SLCO6A1: variants seen among roughly 807,000 people sequenced by gnomAD.
The protein encoded by SLCO6A1 is cancer/testis antigen 48.
Under a neutral mutation model 72.7 loss-of-function variants are expected in SLCO6A1, and 65 were observed. The ratio of observed to expected loss-of-function variants is 0.89; its 90% CI spans 0.73 to 1.10. SLCO6A1 has a LOEUF of 1.10. Ranked by LOEUF, SLCO6A1 falls within the 50% of genes least tolerant of loss-of-function variation. SLCO6A1 has a pLI of 0.00. For missense variants in SLCO6A1, 874 were observed against 872.6 expected, an observed-to-expected ratio of 1.00 and a Z score of -0.02; for synonymous variants, 314 against 298.2, an observed-to-expected ratio of 1.05 and a Z score of -0.55.
chr5:102,478,512 G>A (rs920668529), intron 2 of SLCO6A1, among the ~76,000 whole-genome samples: 2 of 152,042 alleles, frequency 1.3e-5, no homozygotes, highest in Non-Finnish European at 2.9e-5. Flanking sequence ...TAGAACATAT[G>A]TTCATAAGGA....
chr5:102,452,242 T>G (rs1030071717), intron 6 of SLCO6A1, among the ~76,000 whole-genome samples: 12 of 152,166 alleles, frequency 7.9e-5, no homozygotes, highest in African/African-American at 2.9e-4. Flanking sequence ...AGCTCTCTGT[T>G]CCACACATTT....
chr5:102,460,107 T>C (rs1750948657), intron 4 of SLCO6A1, among the ~76,000 whole-genome samples: 1 of 152,178 alleles, frequency 6.6e-6, no homozygotes, highest in South Asian at 2.1e-4. Context: ...TTTGGAACAC[T>C]ACCTTTTTAA....
intron 1 of SLCO6A1, among the ~76,000 whole-genome samples, chr5:102,484,542 A>C (rs1752355740): frequency 6.6e-6 from 1 of 151,870 alleles, no homozygotes; most frequent in Non-Finnish European, 1.5e-5. Context: ...TCAGCTACTC[A>C]GGGAGGCTGA....
intron 6 of SLCO6A1, among the ~76,000 whole-genome samples, chr5:102,458,059 C>A (rs1351231363): frequency 6.6e-6 from 1 of 151,638 alleles, no homozygotes; most frequent in East Asian, 1.9e-4. Context: ...AATAAGAACA[C>A]ATGGACACAG....
Position 102,460,899 on chromosome 5 carries a change from CATATATATATATATATATATATAT to C in SLCO6A1, c.900-1146_900-1123del, listed in dbSNP as rs60973292. Among the ~76,000 whole-genome samples, 84 of 130,286 alleles carry C rather than the reference CATATATATATATATATATATATAT, an allele frequency of 6.4e-4. 2 individuals carry two copies. Among genetic ancestry groups the C allele is most frequent in the East Asian group, 5.7e-3 (21 of 3,672 alleles). The allele number at this position is 130,286 out of a possible 152,430, so 85.5% of individuals were successfully genotyped here. A position where few individuals can be genotyped will look rare whatever the true frequency, so the allele number is the denominator to read the frequency against. ...CTTGATTGTCATTACCCACTTATCT[CATATATATATATATATATATATAT>C]ATATATATATATATATATATATATA... On this transcript the variant is annotated intron_variant, in intron 4 of 13. Transcript: ENST00000506729.
intron 12 of SLCO6A1, among the ~76,000 whole-genome samples, chr5:102,384,779 T>C (rs1561416219): frequency 6.6e-6 from 1 of 152,126 alleles, no homozygotes; most frequent in Non-Finnish European, 1.5e-5. Context: ...TGACTATGTA[T>C]TTGACCACGT....
At chr5:102,378,584 GCAAACC>G in intron 12 of SLCO6A1, among the ~76,000 whole-genome samples, 1 of 146,710 alleles carries the variant, frequency 6.8e-6, no homozygotes, top group East Asian at 2.0e-4. Context: ...TATTTATATA[GCAAACC>G]AAAATTATGT....
At chr5:102,475,404 A>C (rs1412111298) in intron 4 of SLCO6A1, among the ~76,000 whole-genome samples, 1 of 152,110 alleles carries the variant, frequency 6.6e-6, no homozygotes, top group Non-Finnish European at 1.5e-5. Flanking sequence ...GACTCTCAGA[A>C]AACAAAAGTA....
chr5:102,405,839 T>A lies in SLCO6A1; in HGVS notation c.1627-6097A>T, dbSNP rs565086479. ...AAGTCATAATATTATCTATCACAAA[T>A]TTGAATATATGTATAGCTATAAGAC... On this transcript the variant is annotated intron_variant, in intron 9 of 13. Transcript: ENST00000506729. Among the ~76,000 whole-genome samples the A allele has an allele frequency of 1.2e-4, 19 of 152,176 alleles. 1 individual carries two copies. In the South Asian group the frequency reaches 3.9e-3, roughly 32 times the overall value.
intron 7 of SLCO6A1, among the ~76,000 whole-genome samples, chr5:102,433,576 AC>A (rs1363947265): frequency 1.3e-5 from 2 of 152,140 alleles, no homozygotes; most frequent in Non-Finnish European, 2.9e-5. Context: ...ACTCCTGGGG[AC>A]CAGTATTGGG....
chr5:102,444,315 A>G (rs566218129), intron 6 of SLCO6A1, among the ~76,000 whole-genome samples: 3 of 152,282 alleles, frequency 2.0e-5, no homozygotes, highest in East Asian at 3.9e-4. Flanking sequence ...CTAGAATTTT[A>G]TCTTTCAAGC....
intron 4 of SLCO6A1, among the ~76,000 whole-genome samples, chr5:102,471,487 G>A (rs186733774): frequency 1.3e-5 from 2 of 152,082 alleles, no homozygotes; most frequent in Non-Finnish European, 2.9e-5. Context: ...ACGCTTAAAT[G>A]TTTCCTTTTC....
chr5:102,420,734 T>C (rs917517257), intron 7 of SLCO6A1, among the ~76,000 whole-genome samples: 2 of 151,566 alleles, frequency 1.3e-5, no homozygotes, highest in African/African-American at 2.4e-5. Flanking sequence ...AAACATAGGA[T>C]AAAAAACAAC....
intron 6 of SLCO6A1, among the ~76,000 whole-genome samples, chr5:102,441,960 G>A (rs6892350): frequency 0.64 from 96,725 of 151,634 alleles, 30,997 homozygotes; most frequent in African/African-American, 0.66. Context: ...TTTTTCATAC[G>A]TTCTTCTAGC....
chr5:102,459,943 G>A (rs1355542922), intron 4 of SLCO6A1, among the ~76,000 whole-genome samples, 166 bp from the exon 5 acceptor site: 1 of 152,134 alleles, frequency 6.6e-6, no homozygotes, highest in Admixed American at 6.6e-5. Flanking sequence ...GTTTTGTTGA[G>A]TGGGAATAAT....
chr5:102,485,841 A>G (rs1040430597), intron 1 of SLCO6A1, among the ~76,000 whole-genome samples: 1 of 152,204 alleles, frequency 6.6e-6, no homozygotes, highest in Non-Finnish European at 1.5e-5. Context: ...GGCTTCTAAT[A>G]CATAGTTAAT....
chr5:102,478,811 A>G (rs1752042105), intron 2 of SLCO6A1, among the ~76,000 whole-genome samples: 1 of 152,188 alleles, frequency 6.6e-6, no homozygotes, highest in African/African-American at 2.4e-5. Context: ...GCAGATTGCA[A>G]TACAGTATAC....
intron 1 of SLCO6A1, among the ~76,000 whole-genome samples, chr5:102,489,199 G>T (rs1034801407): frequency 6.6e-6 from 1 of 152,182 alleles, no homozygotes; most frequent in Non-Finnish European, 1.5e-5. Flanking sequence ...TGCTCAGCAG[G>T]ATACACGCAA....
At chr5:102,437,852 A>G (rs907796485) in intron 7 of SLCO6A1, among the ~76,000 whole-genome samples, 8 of 152,200 alleles carry the variant, frequency 5.3e-5, no homozygotes, top group African/African-American at 1.9e-4. Flanking sequence ...TACTGGATGC[A>G]TCCTTGACCT....
Sources: gnomAD v4.1 joint callset for allele counts (sites outside exome capture counted in the v4.1 genomes callset) on GRCh38, gnomAD v4.1.1 for gene constraint, MANE v1.5 for transcripts, NCBI Gene and HGNC (gene_info 2026-07-23, HGNC 2026-07-21) for gene names.